The following TLN2 variants were observed in gnomAD, a reference collection of about 807,000 sequenced individuals.
The protein encoded by TLN2 is talin-2.
In TLN2, 118 loss-of-function variants were observed where a neutral mutation model predicts 294.7. That is an observed-to-expected ratio of 0.40 (90% CI 0.34 to 0.47). The LOEUF is 0.47. Ranked by LOEUF, TLN2 falls within the 20% of genes least tolerant of loss-of-function variation. The pLI, the probability that TLN2 is intolerant of heterozygous loss-of-function variation, is 0.84. For synonymous variants in TLN2, 1,431 were observed against 1,304.5 expected (o/e 1.10, Z -2.09); for missense variants, 3,083 against 3,282.2 (o/e 0.94, Z 1.48).
chr15:62,494,385 T>C (rs1436693125), intron 1 of TLN2, among the ~76,000 whole-genome samples: 1 of 152,026 alleles, frequency 6.6e-6, no homozygotes, highest in African/African-American at 2.4e-5. Flanking sequence ...AGGCCAGGGA[T>C]TTGTACATGG....
intron 43 of TLN2, among the ~76,000 whole-genome samples, chr15:62,779,722 T>A (rs532513396): frequency 2.6e-5 from 4 of 152,372 alleles, no homozygotes; most frequent in African/African-American, 9.6e-5. Flanking sequence ...TGAATGAGTA[T>A]GCAATTCAGT....
In TLN2 at chr15:62,614,577, C is replaced by T. The variant is rs113569828; in HGVS notation, c.-161-3774C>T. 7.0e-4 allele frequency among the ~76,000 whole-genome samples: 106 copies of T among 152,272 alleles called. 1 individual carries two copies. Among genetic ancestry groups the T allele is most frequent in the Middle Eastern group, 3.4e-3 (1 of 294 alleles). ...CTGCTCGAAAGAACATTCACTTCTTCGTTGTAAAAGGACTGCGAAGGAAGC... is the reference window on the plus strand; with the variant it reads ...CTGCTCGAAAGAACATTCACTTCTTTGTTGTAAAAGGACTGCGAAGGAAGC... On this transcript the variant is annotated intron_variant, in intron 2 of 58. Coordinates refer to ENST00000636159, the MANE Select transcript of TLN2 (RefSeq NM_015059.3).
At chr15:62,404,809 A>C (rs1254278595) in intron 1 of TLN2, among the ~76,000 whole-genome samples, 1 of 151,830 alleles carries the variant, frequency 6.6e-6, no homozygotes, top group African/African-American at 2.4e-5. Context: ...AACACCTGTC[A>C]CTCCTAGGCT....
intron 2 of TLN2, among the ~76,000 whole-genome samples, chr15:62,603,990 A>G (rs1284955415): frequency 6.6e-6 from 1 of 152,264 alleles, no homozygotes; most frequent in African/African-American, 2.4e-5. Flanking sequence ...AAGCAGGCAT[A>G]GACAAGTCAT....
intron 1 of TLN2, among the ~76,000 whole-genome samples, chr15:62,467,557 T>C (rs1595875161): frequency 1.3e-5 from 2 of 152,130 alleles, no homozygotes; most frequent in African/African-American, 2.4e-5. Flanking sequence ...CCGTGCATGG[T>C]GGTGCACGCC....
chr15:62,640,478 T>A (rs550867186), intron 3 of TLN2: 3 of 409,012 alleles, frequency 7.3e-6, no homozygotes. Flanking sequence ...CACAAACCCC[T>A]GCTTTACACA....
intron 1 of TLN2, among the ~76,000 whole-genome samples, chr15:62,575,765 T>C (rs896371813): frequency 2.6e-5 from 4 of 152,192 alleles, no homozygotes; most frequent in African/African-American, 9.7e-5. Flanking sequence ...GTGTTCAAGC[T>C]ATAGTTTAAT....
At chr15:62,808,497 G>C (rs546767590) in intron 51 of TLN2, among the ~76,000 whole-genome samples, 15 of 152,202 alleles carry the variant, frequency 9.9e-5, no homozygotes, top group African/African-American at 3.1e-4. Flanking sequence ...AGAATTAGTG[G>C]GTCCAATAGT....
chr15:62,789,386 A>G (rs1450193178), intron 45 of TLN2, among the ~76,000 whole-genome samples: 1 of 152,014 alleles, frequency 6.6e-6, no homozygotes, highest in East Asian at 1.9e-4. Context: ...TCTTAACTGG[A>G]ATTTTATTTC....
At chr15:62,667,867 C>T (rs2140989747) in intron 9 of TLN2, among the ~76,000 whole-genome samples, 1 of 152,290 alleles carries the variant, frequency 6.6e-6, no homozygotes, top group Non-Finnish European at 1.5e-5. Flanking sequence ...AATATTTAGC[C>T]TTAACAGTGA....
intron 3 of TLN2, among the ~76,000 whole-genome samples, chr15:62,631,182 C>G (rs1018803044): frequency 1.3e-5 from 2 of 152,086 alleles, no homozygotes; most frequent in Admixed American, 1.3e-4. Context: ...GTTGCAGTCT[C>G]TCTCTCTCCT....
chr15:62,722,698 C>T (rs1230490346), intron 26 of TLN2, among the ~76,000 whole-genome samples: 3 of 152,178 alleles, frequency 2.0e-5, no homozygotes, highest in Non-Finnish European at 4.4e-5. Context: ...TTTCAAATGC[C>T]TTTCGTTGAA....
chr15:62,562,527 C>T (rs1486618319), intron 1 of TLN2, among the ~76,000 whole-genome samples: 1 of 133,164 alleles, frequency 7.5e-6, no homozygotes, highest in Admixed American at 7.7e-5. Context: ...AACATCTCTC[C>T]TCCATTTATT....
At chr15:62,809,817 G>A (rs548212930) in intron 51 of TLN2, 108 bp from the exon 52 acceptor site, 1 of 962,492 alleles carries the variant, frequency 1.0e-6, no homozygotes, top group African/African-American at 1.6e-5. Flanking sequence ...AGGGAGTCAG[G>A]GCAGTTTCTT....
chr15:62,556,464 A>G (rs2042611724), intron 1 of TLN2, among the ~76,000 whole-genome samples: 1 of 151,390 alleles, frequency 6.6e-6, no homozygotes, highest in African/African-American at 2.4e-5. Context: ...ACGCCACCAT[A>G]TCTGGCTAAT....
chr15:62,722,531 C>G (rs1234253186), intron 26 of TLN2, 44 bp downstream of exon 26: 1 of 1,576,400 alleles, frequency 6.3e-7, no homozygotes, highest in Non-Finnish European at 8.6e-7. Context: ...AGGAAGGGAG[C>G]TGGGGTGGCA....
At chr15:62,585,021 TG>T (rs2045472366) in intron 1 of TLN2, among the ~76,000 whole-genome samples, 1 of 152,208 alleles carries the variant, frequency 6.6e-6, no homozygotes, top group Admixed American at 6.5e-5. Flanking sequence ...ATGCAGTTGA[TG>T]TCAGGGCAAA....
At position 62,530,841 on chromosome 15, in the gene TLN2, GT is replaced by G. The variant is rs200080240; in HGVS notation, c.-237-58840del. 8.9e-3 allele frequency among the ~76,000 whole-genome samples: 1,360 copies of G among 152,246 alleles called. 15 individuals are homozygous for G. The highest frequency in any genetic ancestry group is 0.032 in the African/African-American group (1,311 of 41,526). ...TGCATTTCTCTAAGTGGAGTTGAAC[GT>G]TTTTTGACTTGCTTGTTGAAGAACT... On this transcript the variant is annotated intron_variant, in intron 1 of 58. Coordinates refer to ENST00000636159, the MANE Select transcript of TLN2 (RefSeq NM_015059.3).
intron 1 of TLN2, among the ~76,000 whole-genome samples, chr15:62,543,737 G>C (rs535614422): frequency 1.5e-5 from 2 of 137,734 alleles, no homozygotes; most frequent in Non-Finnish European, 3.0e-5. Flanking sequence ...CCTGGTGACA[G>C]AGCAAGATTC....
Sources: allele counts gnomAD v4.1 joint callset (sites outside exome capture counted in the v4.1 genomes callset), GRCh38; gene constraint gnomAD v4.1.1; transcripts MANE v1.5; gene names NCBI Gene and HGNC (gene_info 2026-07-23, HGNC 2026-07-21).